The following TMEM117 variants were observed in gnomAD, a reference collection of about 807,000 sequenced individuals.
The protein encoded by TMEM117 is transmembrane protein 117.
Under a neutral mutation model 52.4 loss-of-function variants are expected in TMEM117, and 27 were observed. That is an observed-to-expected ratio of 0.51 (90% CI 0.38 to 0.71). The LOEUF is 0.71. Ranked by LOEUF, TMEM117 falls within the 30% of genes least tolerant of loss-of-function variation. The probability of loss-of-function intolerance (pLI) is 0.00; values close to 1 mark genes in which losing one functional copy is unlikely to be tolerated. For synonymous variants in TMEM117, 215 were observed against 206.3 expected, an observed-to-expected ratio of 1.04 and a Z score of -0.36; for missense variants, 556 against 630.5, an observed-to-expected ratio of 0.88 and a Z score of 1.26.
At chr12:43,825,711 T>C in the TMEM117 span, among the ~76,000 whole-genome samples, 4 of 152,164 alleles carry the variant, frequency 2.6e-5, no homozygotes, top group Non-Finnish European at 4.4e-5. Flanking sequence ...CTGAATTAAA[T>C]GTGCATAAGA....
chr12:44,173,712 A>G (rs902373375), intron 4 of TMEM117, among the ~76,000 whole-genome samples: 1 of 151,970 alleles, frequency 6.6e-6, no homozygotes, highest in African/African-American at 2.4e-5. Flanking sequence ...TACTTGAAAT[A>G]CTTACTTTCA....
intron 4 of TMEM117, among the ~76,000 whole-genome samples, chr12:44,145,211 G>A (rs1208658780): frequency 6.6e-6 from 1 of 152,144 alleles, no homozygotes; most frequent in Non-Finnish European, 1.5e-5. Flanking sequence ...AGCTTTTTAG[G>A]AGGAGATACA....
chr12:44,097,971 G>A (rs962647261), intron 3 of TMEM117, among the ~76,000 whole-genome samples: 1 of 151,940 alleles, frequency 6.6e-6, no homozygotes, highest in African/African-American at 2.4e-5. Context: ...TTTGAAATAG[G>A]AATATAGGAT....
chr12:44,066,295 G>A (rs1435290066), intron 3 of TMEM117, among the ~76,000 whole-genome samples: 2 of 152,172 alleles, frequency 1.3e-5, no homozygotes, highest in Non-Finnish European at 2.9e-5. Context: ...GTGAGATGAT[G>A]GGAGTGGCTT....
intron 2 of TMEM117, among the ~76,000 whole-genome samples, chr12:43,865,731 T>C (rs563061932): frequency 1.3e-5 from 2 of 148,896 alleles, no homozygotes; most frequent in African/African-American, 5.1e-5. Flanking sequence ...AAAACTAATA[T>C]AGACTCATAC....
At chr12:44,272,527 GA>G (rs1198915993) in intron 5 of TMEM117, among the ~76,000 whole-genome samples, 1 of 151,656 alleles carries the variant, frequency 6.6e-6, no homozygotes, top group Admixed American at 6.6e-5. Context: ...AAATTTACAA[GA>G]AAAAAACAAC....
At chr12:43,883,607 T>C (rs1315747739) in intron 2 of TMEM117, among the ~76,000 whole-genome samples, 3 of 152,168 alleles carry the variant, frequency 2.0e-5, no homozygotes, top group Non-Finnish European at 4.4e-5. Context: ...AATGAATCAG[T>C]TGGATTTCCT....
intron 3 of TMEM117, among the ~76,000 whole-genome samples, chr12:44,069,870 CT>C (rs1249519444): frequency 2.0e-5 from 3 of 151,988 alleles, no homozygotes; most frequent in Admixed American, 1.3e-4. Flanking sequence ...GATTCAGGCT[CT>C]TTTGTTGTTG....
chr12:44,010,447 G>A lies in TMEM117; in HGVS notation c.410+66105G>A, dbSNP rs559026392. Among the ~76,000 whole-genome samples, 216 of 152,262 alleles carry A rather than the reference G, an allele frequency of 1.4e-3. 1 individual carries two copies. The Middle Eastern group carries it at 0.017, about 12-fold the overall frequency. On this transcript the variant is annotated intron_variant, in intron 3 of 7. Coordinates refer to ENST00000266534, the MANE Select transcript of TMEM117 (RefSeq NM_032256.3). ...CTCCAAGATTTTCGGAGCCTTGGAA[G>A]GGGCCCTGGAAGACCAGTTTTCCCA...
intron 3 of TMEM117, among the ~76,000 whole-genome samples, chr12:44,115,014 A>C (rs767939018): frequency 6.6e-6 from 1 of 152,218 alleles, no homozygotes; most frequent in Non-Finnish European, 1.5e-5. Flanking sequence ...ACCGTAAATC[A>C]TATATAATTT....
intron 3 of TMEM117, among the ~76,000 whole-genome samples, chr12:43,985,895 T>G (rs998838295): frequency 6.6e-6 from 1 of 152,204 alleles, no homozygotes; most frequent in Non-Finnish European, 1.5e-5. Context: ...AAGTTGAAAG[T>G]TCTATGTTTG....
intron 3 of TMEM117, among the ~76,000 whole-genome samples, chr12:44,026,686 T>G (rs1369306915): frequency 1.3e-5 from 2 of 152,358 alleles, no homozygotes; most frequent in East Asian, 3.9e-4. Context: ...ATGTGTTTAA[T>G]CATTTTGTTA....
At chr12:43,904,898 C>T (rs897898905) in intron 2 of TMEM117, among the ~76,000 whole-genome samples, 2 of 152,038 alleles carry the variant, frequency 1.3e-5, no homozygotes, top group Non-Finnish European at 2.9e-5. Context: ...AATCCCAGCA[C>T]TTTGGGAGGA....
intron 2 of TMEM117, among the ~76,000 whole-genome samples, chr12:43,920,432 G>C (rs1476197313): frequency 2.6e-5 from 4 of 151,848 alleles, no homozygotes; most frequent in Non-Finnish European, 5.9e-5. Context: ...AGAATCACTT[G>C]AACCCGGGAG....
intron 6 of TMEM117, among the ~76,000 whole-genome samples, chr12:44,305,960 G>T (rs950825306): frequency 1.3e-5 from 2 of 152,196 alleles, no homozygotes; most frequent in African/African-American, 4.8e-5. Flanking sequence ...AGAATGAAAT[G>T]ATGTCCTTTA....
At chr12:43,997,695 G>T (rs563252300) in intron 3 of TMEM117, among the ~76,000 whole-genome samples, 5 of 152,246 alleles carry the variant, frequency 3.3e-5, no homozygotes, top group Admixed American at 3.3e-4. Context: ...GGCCTCGCAT[G>T]AATTAGGCAA....
intron 3 of TMEM117, among the ~76,000 whole-genome samples, chr12:44,123,018 T>A (rs981218071): frequency 6.6e-6 from 1 of 152,170 alleles, no homozygotes; most frequent in Non-Finnish European, 1.5e-5. Flanking sequence ...CTAATTTATA[T>A]TCCCACCAAC....
At chr12:43,939,070 A>G (rs1178879536) in intron 2 of TMEM117, among the ~76,000 whole-genome samples, 2 of 152,188 alleles carry the variant, frequency 1.3e-5, no homozygotes, top group Non-Finnish European at 1.5e-5. Context: ...AAGAATCCTT[A>G]TAATTTAATC....
At chr12:43,892,012 A>G (rs1944114925) in intron 2 of TMEM117, among the ~76,000 whole-genome samples, 1 of 152,178 alleles carries the variant, frequency 6.6e-6, no homozygotes, top group Non-Finnish European at 1.5e-5. Context: ...TTTGTCAATA[A>G]TTAGTCATCA....
Sources: allele counts gnomAD v4.1 joint callset (sites outside exome capture counted in the v4.1 genomes callset), GRCh38; gene constraint gnomAD v4.1.1; transcripts MANE v1.5; gene names NCBI Gene and HGNC (gene_info 2026-07-23, HGNC 2026-07-21).